NUP153: variants seen among roughly 807,000 people sequenced by gnomAD.
NUP153 encodes the protein nuclear pore complex protein Nup153.
Under a neutral mutation model 134.6 loss-of-function variants are expected in NUP153, and 27 were observed. The ratio of observed to expected loss-of-function variants is 0.20; its 90% CI spans 0.15 to 0.28. The LOEUF (loss-of-function observed/expected upper bound fraction) is 0.28, where lower values mean the gene tolerates loss of function less well. Among genes scored for constraint, NUP153 ranks in the 10% least tolerant of loss-of-function variants. NUP153 has a pLI of 1.00. For synonymous variants in NUP153, 640 were observed against 623.5 expected, an observed-to-expected ratio of 1.03 and a Z score of -0.40; for missense variants, 1,821 against 1,731.3, an observed-to-expected ratio of 1.05 and a Z score of -0.92.
At chr6:17,703,644 A>G (rs1770266434) in intron 1 of NUP153, among the ~76,000 whole-genome samples, 1 of 143,030 alleles carries the variant, frequency 7.0e-6, no homozygotes, top group Non-Finnish European at 1.5e-5. Context: ...GAAAGTCCTT[A>G]TTTTTAAGAT....
At chr6:17,654,595 C>T (rs948108369) in intron 11 of NUP153, among the ~76,000 whole-genome samples, 2 of 152,144 alleles carry the variant, frequency 1.3e-5, no homozygotes, top group African/African-American at 4.8e-5. Context: ...GCTGCGATTA[C>T]AGGCATGAAC....
intron 20 of NUP153, among the ~76,000 whole-genome samples, chr6:17,616,898 C>T (rs1187348507): frequency 2.0e-5 from 3 of 152,122 alleles, no homozygotes; most frequent in East Asian, 1.9e-4. Context: ...TATATAGGTG[C>T]GTGCCACCAT....
intron 16 of NUP153, among the ~76,000 whole-genome samples, chr6:17,634,503 C>T (rs959177456): frequency 1.3e-5 from 2 of 151,768 alleles, no homozygotes; most frequent in African/African-American, 2.4e-5. Context: ...GTGGCACAAT[C>T]TCAGCTCACA....
rs747329695 is a variant in NUP153, at chr6:17,706,475, C to G, written c.-88G>C. The stretch of plus-strand genomic sequence containing the variant: ...GGCCTTAGAGAGCCTCCCCCGCCGC[C>G]CGGCCCCGGCCCAAAAGTCCGCCCG... On this transcript the variant is annotated 5_prime_UTR_variant, in exon 1 of 22. Coordinates refer to ENST00000262077, the MANE Select transcript of NUP153 (RefSeq NM_005124.4). The surrounding 1 kb of genome is among the most constrained non-coding windows in gnomAD (Gnocchi z 5.9). 1.0e-6 allele frequency: 1 copy of G among 982,046 alleles called. No homozygotes were observed. The highest frequency in any genetic ancestry group is 1.5e-6 in the Non-Finnish European group (1 of 669,302). The allele number at this position is 982,046 out of a possible 1,614,324, so 60.8% of individuals were successfully genotyped here.
chr6:17,644,562 T>C (rs1477491664), intron 14 of NUP153, among the ~76,000 whole-genome samples: 2 of 152,194 alleles, frequency 1.3e-5, no homozygotes, highest in East Asian at 1.9e-4. Context: ...TTGGGTAAAA[T>C]GCCCTTGCTC....
chr6:17,616,540 C>T lies in NUP153; in HGVS notation c.4330G>A (p.Ala1444Thr). Residue 1444 changes from alanine (A) to threonine (T), a missense_variant, in exon 21 of 22, where the codon GCA becomes ACA. Ala to Thr is a moderately conservative substitution (Grantham distance 58, BLOSUM62 0). Transcript: ENST00000262077. ...GGFPFNQSPA[A>T]FTVGSNGKNV... is the part of the protein sequence containing the mutation. ...AAATTCTCTTACCCCACTGTAAATG[C>T]TGCTGGAGACTGGTTAAATGGAAAG... 6.2e-7 allele frequency: 1 copy of T among 1,609,172 alleles called. No individual in the cohort carries two copies. The highest frequency in any genetic ancestry group is 2.2e-5 in the East Asian group (1 of 44,834).
Position 17,640,070 on chromosome 6 carries a change from AT to A in NUP153, c.1721-7del, listed in dbSNP as rs746543527. On this transcript the variant is annotated splice_polypyrimidine_tract_variant and splice_region_variant and intron_variant, in intron 14 of 21. Coordinates refer to ENST00000262077, the MANE Select transcript of NUP153 (RefSeq NM_005124.4). ...CACTGTAGTGACATGATGAGCTGTA[AT>A]TTTTTTAAATTTAATAACATTATGC... 200 of 1,537,684 alleles carry A rather than the reference AT, an allele frequency of 1.3e-4. No homozygotes were observed. Among genetic ancestry groups the A allele is most frequent in the Non-Finnish European group, 1.7e-4 (195 of 1,145,074 alleles).
chr6:17,637,596 G>T lies in NUP153; in HGVS notation c.2021C>A (p.Thr674Lys). 1 of 1,614,108 alleles carries T rather than the reference G, an allele frequency of 6.2e-7. No homozygotes were observed. The highest frequency in any genetic ancestry group is 8.5e-7 in the Non-Finnish European group (1 of 1,180,024). The stretch of plus-strand genomic sequence containing the variant: ...TTGACAGGCTATGCATTTGTTGTCT[G>T]TAACTTTGTTCTGGAGTAGACATGT... ...CDTCLLQNKV[T>K]DNKCIACQAA... The change falls in exon 16 of 22, where the codon ACA (threonine) becomes AAA (lysine). Residue 674 changes from threonine (T) to lysine (K), a missense_variant. Thr to Lys is a moderately conservative substitution (Grantham distance 78). Transcript: ENST00000262077.
intron 19 of NUP153, 88 bp from the exon 20 acceptor site, chr6:17,624,921 C>A: frequency 7.5e-7 from 1 of 1,336,322 alleles, no homozygotes; most frequent in South Asian, 1.6e-5. Flanking sequence ...AAGCAAATGT[C>A]AAGCTTCGTT....
chr6:17,703,688 T>C (rs2150256117), intron 1 of NUP153, among the ~76,000 whole-genome samples: 1 of 151,908 alleles, frequency 6.6e-6, no homozygotes, highest in South Asian at 2.1e-4. Flanking sequence ...TTCTTTTGAA[T>C]ATACCTGAAT....
rs1244109718 is a variant in NUP153 at position 17,675,734 on chromosome 6, T to A, written c.371A>T (p.Asp124Val). ...STTSTASNYP[D>V]VLTRPSLHRS... is the part of the protein sequence containing the mutation. ...ATGAAGAGAAGGCCTTGTTAACACATCTGGATAATTTGAAGCAGTACTAGT... is the reference window on the plus strand; with the variant it reads ...ATGAAGAGAAGGCCTTGTTAACACAACTGGATAATTTGAAGCAGTACTAGT... Residue 124 changes from aspartate (D) to valine (V), a missense_variant, in exon 3 of 22, where the codon GAT becomes GTT. By Grantham distance (152) the Asp-to-Val change is radical (BLOSUM62 -3). Transcript: ENST00000262077. The surrounding 1 kb of genome is among the most constrained non-coding windows in gnomAD (Gnocchi z 4.4). 4 of 1,613,850 alleles carry A rather than the reference T, an allele frequency of 2.5e-6. No individual in the cohort carries two copies. In the South Asian group the frequency reaches 4.4e-5, roughly 18 times the overall value.
chr6:17,649,103 T>C (rs1766369275), intron 12 of NUP153, 60 bp downstream of exon 12: 1 of 1,443,120 alleles, frequency 6.9e-7, no homozygotes, highest in Non-Finnish European at 9.4e-7. Context: ...ATAGGGTTTT[T>C]TTTAAATAAA....
intron 9 of NUP153, among the ~76,000 whole-genome samples, chr6:17,664,781 G>A (rs956240790): frequency 3.3e-5 from 5 of 152,058 alleles, no homozygotes; most frequent in African/African-American, 7.2e-5. Context: ...GGCCAGGCGC[G>A]GTGGCTCACA....
At position 17,675,912 on chromosome 6, in the gene NUP153, T is replaced by A; in HGVS notation, c.335-142A>T. On this transcript the variant is annotated intron_variant, in intron 2 of 21. Transcript: ENST00000262077. The surrounding 1 kb of genome is among the most constrained non-coding windows in gnomAD (Gnocchi z 4.4). Reference sequence around the variant, plus strand: ...GGGGCATCCCATAATAAGCCCAATATAACATACTCCTAGGCAAAACAAAGT... The same window carrying A: ...GGGGCATCCCATAATAAGCCCAATAAAACATACTCCTAGGCAAAACAAAGT... 1.3e-6 allele frequency: 1 copy of A among 760,246 alleles called. No homozygotes were observed. The highest frequency in any genetic ancestry group is 2.1e-6 in the Non-Finnish European group (1 of 467,916). The allele number at this position is 760,246 out of a possible 1,614,324, so 47.1% of individuals were successfully genotyped here.
chr6:17,627,655 C>T (rs1051619456), intron 18 of NUP153, among the ~76,000 whole-genome samples: 1 of 152,102 alleles, frequency 6.6e-6, no homozygotes, highest in Non-Finnish European at 1.5e-5. Flanking sequence ...GCTACGGCAC[C>T]CGGATTGTCT....
Position 17,669,355 on chromosome 6 carries a change from AT to A in NUP153, c.970-19del. ...TTTGCATCCTGTTAAAGTTGAAAAAATAACAAAATTAAGATTTTTCAATAAT... is the reference window on the plus strand; with the variant it reads ...TTTGCATCCTGTTAAAGTTGAAAAAAAACAAAATTAAGATTTTTCAATAAT... On this transcript the variant is annotated intron_variant, in intron 6 of 21. Coordinates refer to ENST00000262077, the MANE Select transcript of NUP153 (RefSeq NM_005124.4). 6.2e-7 allele frequency: 1 copy of A among 1,607,032 alleles called. No homozygotes were observed.
Position 17,616,610 on chromosome 6 carries a change from A to C in NUP153, c.4260T>G (p.Asn1420Lys), listed in dbSNP as rs1466275383. The C allele has an allele frequency of 6.2e-7, 1 of 1,614,198 alleles. No homozygotes were observed. Among genetic ancestry groups the C allele is most frequent in the Admixed American group, 1.7e-5 (1 of 60,022 alleles). The change falls in exon 21 of 22, where the codon AAT becomes AAG. Residue 1420 changes from asparagine to lysine, a missense_variant. Coordinates refer to ENST00000262077, the MANE Select transcript of NUP153 (RefSeq NM_005124.4). ...SPSGVFTFGA[N>K]SSTPAASAQP... ...GGGCTGAGGCTGCAGGTGTGCTAGA[A>C]TTTGCACCAAATGTGAACACTCCTG...
chr6:17,679,349 A>G (rs552578532), intron 2 of NUP153, among the ~76,000 whole-genome samples: 1 of 152,350 alleles, frequency 6.6e-6, no homozygotes, highest in Admixed American at 6.5e-5. Flanking sequence ...CATGGAAACT[A>G]CAAAACAGTA....
chr6:17,648,664 G>A (rs1259037825), intron 12 of NUP153, among the ~76,000 whole-genome samples: 1 of 151,904 alleles, frequency 6.6e-6, no homozygotes, highest in Non-Finnish European at 1.5e-5. Flanking sequence ...TTAGCTGGGT[G>A]TGGTGGTGTA....
Sources: allele counts gnomAD v4.1 joint callset (sites outside exome capture counted in the v4.1 genomes callset), GRCh38; gene constraint gnomAD v4.1.1; non-coding constraint Gnocchi (gnomAD v3.1); transcripts MANE v1.5; gene names NCBI Gene and HGNC (gene_info 2026-07-23, HGNC 2026-07-21).